DENND11: variants seen among roughly 807,000 people sequenced by gnomAD.
DENND11 encodes the protein DENN domain-containing protein 11.
In DENND11, 34 loss-of-function variants were observed where a neutral mutation model predicts 49.2. That is an observed-to-expected ratio of 0.69 (90% CI 0.53 to 0.92). The LOEUF (loss-of-function observed/expected upper bound fraction) is 0.92, where lower values mean the gene tolerates loss of function less well. DENND11 is among the 40% of genes least tolerant of loss of function. The probability of loss-of-function intolerance (pLI) is 0.00; values close to 1 mark genes in which losing one functional copy is unlikely to be tolerated. For synonymous variants in DENND11, 238 were observed against 230.3 expected, an observed-to-expected ratio of 1.03 and a Z score of -0.30; for missense variants, 475 against 581.6, an observed-to-expected ratio of 0.82 and a Z score of 1.88.
At chr7:141,667,718 G>A (rs993768204) in intron 4 of DENND11, among the ~76,000 whole-genome samples, 1 of 152,180 alleles carries the variant, frequency 6.6e-6, no homozygotes, top group Non-Finnish European at 1.5e-5. Flanking sequence ...CTATACCCGA[G>A]CCTCAGGGCA....
In DENND11 at chr7:141,673,044, G is replaced by A. The variant is rs1798006317; in HGVS notation, c.681+1023C>T. 3.9e-5 allele frequency among the ~76,000 whole-genome samples: 6 copies of A among 152,262 alleles called. No homozygotes were observed. The South Asian group carries it at 1.2e-3, about 32-fold the overall frequency. ...CATTTAATCCCAGCCAAACTAGTTT[G>A]CTCATGTCTCATGAACTTGTCTTGC... On this transcript the variant is annotated intron_variant, in intron 4 of 8. Transcript: ENST00000536163.
At position 141,673,982 on chromosome 7, in the gene DENND11, T is replaced by C; in HGVS notation, c.681+85A>G. 13 of 1,453,484 alleles carry C rather than the reference T, an allele frequency of 8.9e-6. No homozygotes were observed. In the South Asian group the frequency reaches 1.6e-4, roughly 17 times the overall value. The allele number at this position is 1,453,484 out of a possible 1,614,324, so 90.0% of individuals were successfully genotyped here. The stretch of plus-strand genomic sequence containing the variant: ...ATTTTGTATGATCCAAAGACATAAA[T>C]TTTTTATTCATTAAAAAGTAATCAA... On this transcript the variant is annotated intron_variant, in intron 4 of 8. Transcript: ENST00000536163.
chr7:141,693,671 T>A (rs1296610151), intron 1 of DENND11, among the ~76,000 whole-genome samples: 1 of 151,868 alleles, frequency 6.6e-6, no homozygotes, highest in Non-Finnish European at 1.5e-5. Context: ...TACAGAAAAA[T>A]GAGCTATCAA....
In DENND11 at chr7:141,685,556, C is replaced by T. The variant is rs778109586; in HGVS notation, c.449G>A (p.Arg150Gln). ...AGAGAGGATGCCCACAGACTTCATC[C>T]GCGCGCCACGTTCCAGCTCGCTCTC... ...PVESELERGA[R>Q]MKSVGILSPS... Residue 150 changes from arginine to glutamine, a missense_variant, in exon 3 of 9, where the codon CGG becomes CAG. Transcript: ENST00000536163. 5.0e-6 allele frequency: 8 copies of T among 1,613,946 alleles called. No homozygotes were observed. The highest frequency in any genetic ancestry group is 1.7e-5 in the Admixed American group (1 of 60,020).
chr7:141,687,807 TG>T lies in DENND11; in HGVS notation c.269-1150del, dbSNP rs571195178. On this transcript the variant is annotated intron_variant, in intron 1 of 8. Coordinates refer to ENST00000536163, the MANE Select transcript of DENND11 (RefSeq NM_001080392.2). ...CTGCCACCAGGCCCGGCTAATTTTT[TG>T]TATTTTTAGTGGAGACGGGGTTTCA... Among the ~76,000 whole-genome samples, 871 of 152,166 alleles carry T rather than the reference TG, an allele frequency of 5.7e-3. 11 individuals are homozygous for T. The highest frequency in any genetic ancestry group is 0.019 in the African/African-American group (781 of 41,502).
intron 3 of DENND11, among the ~76,000 whole-genome samples, chr7:141,681,846 T>C (rs1798151719): frequency 6.6e-6 from 1 of 152,032 alleles, no homozygotes; most frequent in Non-Finnish European, 1.5e-5. Context: ...GTAGATGTGG[T>C]TATGGAGGAA....
At chr7:141,670,488 T>C (rs978015836) in intron 4 of DENND11, among the ~76,000 whole-genome samples, 1 of 152,248 alleles carries the variant, frequency 6.6e-6, no homozygotes, top group Non-Finnish European at 1.5e-5. Flanking sequence ...ACTATGTGCG[T>C]AGCATTTCCA....
chr7:141,700,210 C>T (rs1341053421), intron 1 of DENND11, among the ~76,000 whole-genome samples: 1 of 152,140 alleles, frequency 6.6e-6, no homozygotes, highest in African/African-American at 2.4e-5. Flanking sequence ...CTTCTAGTTA[C>T]TCTGAAATAT....
chr7:141,663,970 G>C (rs1352142927), intron 8 of DENND11: 1 of 483,418 alleles, frequency 2.1e-6, no homozygotes. Context: ...TAAGGGACCT[G>C]CTTCTTTCCC....
intron 1 of DENND11, among the ~76,000 whole-genome samples, chr7:141,701,310 T>C (rs1798509054): frequency 6.6e-6 from 1 of 150,784 alleles, no homozygotes; most frequent in African/African-American, 2.4e-5. Context: ...TCAGAGAAAG[T>C]GAACTTGGCC....
chr7:141,668,460 C>A (rs554568438), intron 4 of DENND11, among the ~76,000 whole-genome samples: 1 of 152,300 alleles, frequency 6.6e-6, no homozygotes, highest in East Asian at 1.9e-4. Flanking sequence ...GTGTCGCGTG[C>A]CTGTAATCCC....
chr7:141,666,839 A>G (rs4726463), intron 4 of DENND11, among the ~76,000 whole-genome samples: 54,254 of 152,154 alleles, frequency 0.36, 11,235 homozygotes, highest in East Asian at 0.56. Flanking sequence ...GGGGGCTGCT[A>G]CTGTGCAAAG....
chr7:141,691,370 AAT>A (rs1798324913), intron 1 of DENND11, among the ~76,000 whole-genome samples: 1 of 152,216 alleles, frequency 6.6e-6, no homozygotes, highest in South Asian at 2.1e-4. Flanking sequence ...ATGAAAAAGA[AAT>A]AGACTCCTAT....
At chr7:141,665,367 C>G in intron 5 of DENND11, 49 bp from the exon 6 acceptor site, 1 of 1,608,546 alleles carries the variant, frequency 6.2e-7, no homozygotes, top group Non-Finnish European at 8.5e-7. Flanking sequence ...CTCCACAGCC[C>G]TTCCTCCCTC....
In DENND11 at chr7:141,657,799, C is replaced by T. The variant is rs1285440839; in HGVS notation, c.*4857G>A. The T allele has an allele frequency of 1.3e-5, 2 of 152,558 alleles. No homozygotes were observed. Among genetic ancestry groups the T allele is most frequent in the Admixed American group, 6.5e-5 (1 of 15,276 alleles). The allele number at this position is 152,558 out of a possible 1,614,324, so 9.5% of individuals were successfully genotyped here. On this transcript the variant is annotated 3_prime_UTR_variant, in exon 9 of 9. Transcript: ENST00000536163. ...TATATAGCACTAGAAAATTCTTATT[C>T]CCCTTCTAAATTTGCAATTTCATCC...
intron 2 of DENND11, 30 bp from the exon 3 acceptor site, chr7:141,685,666 C>G: frequency 6.2e-7 from 1 of 1,610,432 alleles, no homozygotes; most frequent in Non-Finnish European, 8.5e-7. Context: ...TAGTGTGGCT[C>G]AAGATCAGAG....
chr7:141,664,903 C>A lies in DENND11; in HGVS notation c.1103+1G>T, dbSNP rs1436052988. The A allele has an allele frequency of 3.7e-6, 6 of 1,610,424 alleles. No individual in the cohort carries two copies. Among genetic ancestry groups the A allele is most frequent in the South Asian group, 1.1e-5 (1 of 90,162 alleles). ...CTGGTTCTCCCCTTAGCTGCCACTA[C>A]CTCTGCTCGTTGAGCCGGCGGTACT... On this transcript the variant is annotated splice_donor_variant, in intron 7 of 8. Coordinates refer to ENST00000536163, the MANE Select transcript of DENND11 (RefSeq NM_001080392.2). LOFTEE classifies it high-confidence loss of function.
intron 3 of DENND11, among the ~76,000 whole-genome samples, chr7:141,680,681 C>T (rs1176602403): frequency 2.0e-5 from 3 of 151,714 alleles, no homozygotes; most frequent in Non-Finnish European, 2.9e-5. Flanking sequence ...CACAGCACCT[C>T]TGCTCACATT....
intron 1 of DENND11, among the ~76,000 whole-genome samples, chr7:141,695,236 G>C (rs184199545): frequency 6.6e-6 from 1 of 152,038 alleles, no homozygotes; most frequent in Admixed American, 6.5e-5. Flanking sequence ...AAGCAAATGG[G>C]GCAAAATGTC....
Sources: gnomAD v4.1 joint callset for allele counts (sites outside exome capture counted in the v4.1 genomes callset) on GRCh38, gnomAD v4.1.1 for gene constraint, MANE v1.5 for transcripts, NCBI Gene and HGNC (gene_info 2026-07-23, HGNC 2026-07-21) for gene names.